Variants in PGM2L1 observed in about 807,000 individuals in gnomAD.
The protein encoded by PGM2L1 is phosphoglucomutase 2 like 1.
PGM2L1 carries 35 observed loss-of-function variants against 73.4 expected under a neutral mutation model. That is an observed-to-expected ratio of 0.48 (90% CI 0.36 to 0.63). The LOEUF is 0.63. PGM2L1 is among the 30% of genes least tolerant of loss of function. The pLI, the probability that PGM2L1 is intolerant of heterozygous loss-of-function variation, is 0.00. For synonymous variants in PGM2L1, 225 were observed against 253.8 expected (o/e 0.89, Z 1.08); for missense variants, 570 against 742.0 (o/e 0.77, Z 2.69).
intron 1 of PGM2L1, among the ~76,000 whole-genome samples, chr11:74,393,544 T>A (rs1863132976): frequency 6.6e-6 from 1 of 152,238 alleles, no homozygotes; most frequent in Non-Finnish European, 1.5e-5. Flanking sequence ...ATTAGACTAA[T>A]GTGTGAATCA....
intron 1 of PGM2L1, among the ~76,000 whole-genome samples, chr11:74,378,889 C>T (rs1054868280): frequency 6.6e-6 from 1 of 152,280 alleles, no homozygotes; most frequent in East Asian, 1.9e-4. Flanking sequence ...TATTAACATT[C>T]ACTTATGAAG....
chr11:74,389,013 G>C (rs995472096), intron 1 of PGM2L1, among the ~76,000 whole-genome samples: 5 of 152,218 alleles, frequency 3.3e-5, no homozygotes, highest in Non-Finnish European at 7.3e-5. Flanking sequence ...GGTAAAAACA[G>C]GTTTCTCCAT....
chr11:74,351,805 AC>A (rs1756775367), intron 5 of PGM2L1, among the ~76,000 whole-genome samples: 1 of 151,956 alleles, frequency 6.6e-6, no homozygotes. Context: ...TACTAAAAAT[AC>A]AAAAAATTAG....
chr11:74,367,168 T>A (rs1862673159), intron 5 of PGM2L1, among the ~76,000 whole-genome samples: 1 of 152,144 alleles, frequency 6.6e-6, no homozygotes, highest in Non-Finnish European at 1.5e-5. Flanking sequence ...GATAACAGAC[T>A]GAAGGAGGAC....
At chr11:74,377,712 T>TA (rs1244745847) in intron 1 of PGM2L1, among the ~76,000 whole-genome samples, 1 of 152,196 alleles carries the variant, frequency 6.6e-6, no homozygotes, top group African/African-American at 2.4e-5. Flanking sequence ...TTTTTATGGT[T>TA]AAAAACTAGT....
chr11:74,373,318 G>T (rs540824737), intron 2 of PGM2L1, among the ~76,000 whole-genome samples: 1 of 152,330 alleles, frequency 6.6e-6, no homozygotes, highest in African/African-American at 2.4e-5. Flanking sequence ...GGGTGAGGAA[G>T]GAGGGCAGGT....
intron 5 of PGM2L1, among the ~76,000 whole-genome samples, chr11:74,366,188 A>T (rs925837338): frequency 7.2e-5 from 11 of 151,868 alleles, no homozygotes; most frequent in Admixed American, 7.2e-4. Flanking sequence ...CAGGAAGGGG[A>T]ACATCACACA....
At chr11:74,340,043 GT>G (rs1298413414) in intron 12 of PGM2L1, among the ~76,000 whole-genome samples, 5 of 152,164 alleles carry the variant, frequency 3.3e-5, no homozygotes, top group African/African-American at 1.2e-4. Flanking sequence ...TGAGTGCAGT[GT>G]TTTTGTCATT....
intron 5 of PGM2L1, among the ~76,000 whole-genome samples, chr11:74,361,928 T>C (rs1862570912): frequency 6.6e-6 from 1 of 152,224 alleles, no homozygotes; most frequent in Non-Finnish European, 1.5e-5. Flanking sequence ...CTGATTGGTA[T>C]ACCTGAAAGT....
intron 1 of PGM2L1, among the ~76,000 whole-genome samples, chr11:74,376,520 GTATGTATA>G (rs1045325545): frequency 9.5e-4 from 143 of 150,716 alleles, no homozygotes; most frequent in African/African-American, 3.3e-3. Flanking sequence ...TATATATACA[GTATGTATA>G]TATGTATATA....
chr11:74,338,059 T>C (rs1320460083), intron 13 of PGM2L1, among the ~76,000 whole-genome samples: 2 of 152,318 alleles, frequency 1.3e-5, no homozygotes, highest in East Asian at 3.9e-4. Flanking sequence ...GGAATATTGT[T>C]GGGCCATAAA....
intron 1 of PGM2L1, among the ~76,000 whole-genome samples, chr11:74,386,911 G>C (rs1235491920): frequency 6.6e-6 from 1 of 152,238 alleles, no homozygotes; most frequent in Non-Finnish European, 1.5e-5. Context: ...AATGGAATCA[G>C]AGAGGTGGGC....
chr11:74,361,263 C>A (rs1862559224), intron 5 of PGM2L1, among the ~76,000 whole-genome samples: 1 of 152,202 alleles, frequency 6.6e-6, no homozygotes, highest in Non-Finnish European at 1.5e-5. Context: ...TCTGCAGCCT[C>A]CACTGCTGAT....
At chr11:74,388,056 A>T (rs944403688) in intron 1 of PGM2L1, among the ~76,000 whole-genome samples, 6 of 152,194 alleles carry the variant, frequency 3.9e-5, no homozygotes, top group Non-Finnish European at 7.4e-5. Flanking sequence ...TCTTGCACAG[A>T]GGGCCAAATA....
At chr11:74,384,094 T>A (rs1446496550) in intron 1 of PGM2L1, among the ~76,000 whole-genome samples, 3 of 151,900 alleles carry the variant, frequency 2.0e-5, no homozygotes, top group Middle Eastern at 3.2e-3. Context: ...TTTTCCTGTA[T>A]CATCTTATGT....
At chr11:74,355,674 C>G (rs1046547947) in intron 5 of PGM2L1, 2 of 508,176 alleles carry the variant, frequency 3.9e-6, no homozygotes, top group African/African-American at 3.9e-5. Context: ...ACCAAGGTGG[C>G]TATGGTGGTT....
rs868299625 is a variant in PGM2L1 at position 74,333,151 on chromosome 11, T to A, written c.*3501A>T. On this transcript the variant is annotated 3_prime_UTR_variant, in exon 14 of 14. Coordinates refer to ENST00000298198, the MANE Select transcript of PGM2L1 (RefSeq NM_173582.6). ...GGAAAGAAGGACCCTTAAAAAGTCA[T>A]CTGTATATCTCTTAATTTTTAAAAT... is the stretch of plus-strand genomic sequence containing the variant. The A allele has an allele frequency of 2.6e-5, 4 of 152,142 alleles. No homozygotes were observed. Among genetic ancestry groups the A allele is most frequent in the Non-Finnish European group, 4.4e-5 (3 of 68,016 alleles). 9.4% of individuals were successfully genotyped at this position (152,142 alleles called of 1,614,324 possible).
chr11:74,394,951 T>TAC lies in PGM2L1; in HGVS notation c.111+3099_111+3100insGT, dbSNP rs60063094. On this transcript the variant is annotated intron_variant, in intron 1 of 13. Transcript: ENST00000298198. Reference sequence around the variant, plus strand: ...CATCAGGTGTTAAAATCAGTTTCTCTGTTAAAAGACTACATATGCCATCAA... The same window carrying TAC: ...CATCAGGTGTTAAAATCAGTTTCTCTACGTTAAAAGACTACATATGCCATCAA... 2.1e-3 allele frequency among the ~76,000 whole-genome samples: 3 copies of TAC among 1,454 alleles called. No individual in the cohort carries two copies. In the Non-Finnish European group the frequency reaches 0.029, roughly 14 times the overall value. The allele number at this position is 1,454 out of a possible 152,430, so 1.0% of individuals were successfully genotyped here. A position where few individuals can be genotyped will look rare whatever the true frequency, so the allele number is the denominator to read the frequency against.
chr11:74,333,757 T>C lies in PGM2L1; in HGVS notation c.*2895A>G, dbSNP rs1302593240. 6.6e-6 allele frequency: 1 copy of C among 152,234 alleles called. No individual in the cohort carries two copies. The highest frequency in any genetic ancestry group is 6.5e-5 in the Admixed American group (1 of 15,286). 9.4% of individuals were successfully genotyped at this position (152,234 alleles called of 1,614,324 possible). A position where few individuals can be genotyped will look rare whatever the true frequency, so the allele number is the denominator to read the frequency against. Reference sequence around the variant, plus strand: ...GAGAAGCATTTCCCGTGTCTCTTTATATTGTTTGCTTATTTCTACTGTTTA... The same window carrying C: ...GAGAAGCATTTCCCGTGTCTCTTTACATTGTTTGCTTATTTCTACTGTTTA... On this transcript the variant is annotated 3_prime_UTR_variant, in exon 14 of 14. Coordinates refer to ENST00000298198, the MANE Select transcript of PGM2L1 (RefSeq NM_173582.6).
Sources: allele counts gnomAD v4.1 joint callset (sites outside exome capture counted in the v4.1 genomes callset), GRCh38; gene constraint gnomAD v4.1.1; transcripts MANE v1.5; gene names NCBI Gene and HGNC (gene_info 2026-07-23, HGNC 2026-07-21).